Variants in DST observed in about 807,000 individuals in gnomAD.
DST encodes dystonin.
A neutral mutation model predicts 875.2 loss-of-function variants in DST; 253 were observed. The ratio of observed to expected loss-of-function variants is 0.29; its 90% CI spans 0.26 to 0.32. DST has a LOEUF of 0.32. DST is among the 10% of genes least tolerant of loss of function. DST has a pLI of 1.00. For missense variants in DST, 8,287 were observed against 9,111.6 expected, an observed-to-expected ratio of 0.91 and a Z score of 3.68; for synonymous variants, 3,124 against 3,197.1, an observed-to-expected ratio of 0.98 and a Z score of 0.77.
In DST at chr6:56,735,292, G is replaced by A. The variant is rs760452166; in HGVS notation, c.626-3C>T. On this transcript the variant is annotated splice_polypyrimidine_tract_variant and splice_region_variant and intron_variant, in intron 4 of 103. Transcript: ENST00000680361. ...CTTCTGAACTTTGTCCCGTTCATCTGGAAGGAAAAAATATATATAAAGATA... is the reference window on the plus strand; with the variant it reads ...CTTCTGAACTTTGTCCCGTTCATCTAGAAGGAAAAAATATATATAAAGATA... 7.5e-5 allele frequency: 114 copies of A among 1,524,882 alleles called. No individual in the cohort carries two copies. In the South Asian group the frequency reaches 1.2e-3, roughly 17 times the overall value. 94.5% of individuals were successfully genotyped at this position (1,524,882 alleles called of 1,614,324 possible).
chr6:56,674,302 CT>C (rs754314470), intron 9 of DST, among the ~76,000 whole-genome samples: 2,979 of 145,078 alleles, frequency 0.021, 74 homozygotes, highest in African/African-American at 0.063. Context: ...CATTTTCTTT[CT>C]TTTTTTTTTT....
chr6:56,675,784 G>A (rs1588326042), intron 9 of DST, among the ~76,000 whole-genome samples: 4 of 152,068 alleles, frequency 2.6e-5, no homozygotes, highest in South Asian at 4.2e-4. Flanking sequence ...CCCAGGAGGC[G>A]GAGGTTGCAG....
intron 4 of DST, among the ~76,000 whole-genome samples, chr6:56,777,837 A>G (rs2099682202): frequency 6.6e-6 from 1 of 151,798 alleles, no homozygotes; most frequent in African/African-American, 2.4e-5. Flanking sequence ...CCTGGACTAC[A>G]GGCATATGCC....
intron 50 of DST, among the ~76,000 whole-genome samples, chr6:56,578,275 G>C (rs906658336): frequency 6.6e-6 from 1 of 152,144 alleles, no homozygotes; most frequent in Non-Finnish European, 1.5e-5. Flanking sequence ...TCAGGAGGCT[G>C]AGATGAGGAA....
chr6:56,549,989 A>ATATT (rs1488195325), intron 61 of DST, among the ~76,000 whole-genome samples: 1 of 152,198 alleles, frequency 6.6e-6, no homozygotes, highest in African/African-American at 2.4e-5. Context: ...TAAGATGCAG[A>ATATT]ATAGTAATAG....
At chr6:56,479,948 GTT>G (rs1367526328) in intron 90 of DST, among the ~76,000 whole-genome samples, 2 of 152,140 alleles carry the variant, frequency 1.3e-5, no homozygotes, top group African/African-American at 4.8e-5. Context: ...ATGTTTATAT[GTT>G]TTATTCTAAT....
chr6:56,886,158 T>A (rs935898881), intron 3 of DST, among the ~76,000 whole-genome samples: 3 of 152,190 alleles, frequency 2.0e-5, no homozygotes, highest in Non-Finnish European at 4.4e-5. Flanking sequence ...GGATACTGAA[T>A]AATTCCTCCA....
intron 82 of DST, among the ~76,000 whole-genome samples, chr6:56,496,956 C>A (rs950409420): frequency 2.6e-5 from 4 of 151,814 alleles, no homozygotes; most frequent in Non-Finnish European, 5.9e-5. Flanking sequence ...TAGGTGGGAA[C>A]TGAACAATGA....
chr6:56,826,297 G>A (rs2099780420), intron 4 of DST, among the ~76,000 whole-genome samples: 1 of 152,164 alleles, frequency 6.6e-6, no homozygotes, highest in African/African-American at 2.4e-5. Context: ...TACCCACAAT[G>A]TTGCTTATAA....
intron 49 of DST, among the ~76,000 whole-genome samples, chr6:56,586,497 T>C (rs1041491198): frequency 1.4e-4 from 21 of 151,796 alleles, no homozygotes; most frequent in Non-Finnish European, 2.5e-4. Context: ...TGTCTCTGCA[T>C]GTGAGATGGG....
intron 9 of DST, among the ~76,000 whole-genome samples, chr6:56,687,840 G>A (rs2099198832): frequency 6.7e-6 from 1 of 150,276 alleles, no homozygotes; most frequent in South Asian, 2.1e-4. Context: ...TGTAAAGACA[G>A]CACAAACATT....
rs575951388 is a variant in DST, at chr6:56,608,489, C to T, written c.6139G>A (p.Glu2047Lys). Reference sequence around the variant, plus strand: ...GTTATTAAATCACACTGTACTGCTTCGTCTACAGTTAAACGCTTGGCAGGG... The same window carrying T: ...GTTATTAAATCACACTGTACTGCTTTGTCTACAGTTAAACGCTTGGCAGGG... ...SNPAKRLTVD[E>K]AVQCDLITSS... The change falls in exon 40 of 104, where the codon GAA becomes AAA. Residue 2047 changes from glutamate (E) to lysine (K), a missense_variant. Transcript: ENST00000680361. The T allele has an allele frequency of 6.2e-6, 10 of 1,613,640 alleles. No homozygotes were observed. The highest frequency in any genetic ancestry group is 4.0e-5 in the African/African-American group (3 of 75,018).
At chr6:56,949,331 G>C (rs1223747293) in intron 2 of DST, among the ~76,000 whole-genome samples, 1 of 152,180 alleles carries the variant, frequency 6.6e-6, no homozygotes, top group African/African-American at 2.4e-5. Flanking sequence ...GTTGACTCTG[G>C]TATGATAAAC....
intron 13 of DST, 106 bp from the exon 14 acceptor site, chr6:56,646,288 A>T: frequency 1.8e-6 from 1 of 561,914 alleles, no homozygotes; most frequent in Non-Finnish European, 2.9e-6. Flanking sequence ...ATATGCAGTC[A>T]GTGGAATTCC....
chr6:56,587,750 C>T (rs371432156), intron 49 of DST, among the ~76,000 whole-genome samples: 113 of 152,094 alleles, frequency 7.4e-4, no homozygotes, highest in African/African-American at 2.5e-3. Context: ...GAGTGGGGGC[C>T]AATATTCAAC....
chr6:56,514,610 C>CACA, intron 72 of DST, among the ~76,000 whole-genome samples: 1 of 147,350 alleles, frequency 6.8e-6, no homozygotes, highest in Non-Finnish European at 1.5e-5. Context: ...CACACACACA[C>CACA]ACCCCCTCAT....
chr6:56,619,087 T>C, intron 36 of DST: 1 of 1,613,598 alleles, frequency 6.2e-7, no homozygotes, highest in South Asian at 1.1e-5. Flanking sequence ...GGTCTTCTTC[T>C]AGGCATTTAA....
At chr6:56,840,691 TCTC>T (rs940606315) in intron 4 of DST, among the ~76,000 whole-genome samples, 2 of 152,194 alleles carry the variant, frequency 1.3e-5, no homozygotes, top group African/African-American at 4.8e-5. Context: ...TAGCGCTCAC[TCTC>T]CACTTTTCTT....
chr6:56,688,437 CTTAA>C, intron 9 of DST, among the ~76,000 whole-genome samples: 1 of 152,124 alleles, frequency 6.6e-6, no homozygotes, highest in South Asian at 2.1e-4. Flanking sequence ...TGAGATAGCT[CTTAA>C]TTTTTTTTCA....
Sources: gnomAD v4.1 joint callset for allele counts (sites outside exome capture counted in the v4.1 genomes callset) on GRCh38, gnomAD v4.1.1 for gene constraint, MANE v1.5 for transcripts, NCBI Gene and HGNC (gene_info 2026-07-23, HGNC 2026-07-21) for gene names.